Variants in PYM1 observed in about 807,000 individuals in gnomAD.
PYM1 encodes partner of Y14 and mago.
A neutral mutation model predicts 20.7 loss-of-function variants in PYM1; 7 were observed. The ratio of observed to expected loss-of-function variants is 0.34; its 90% CI spans 0.19 to 0.64. The LOEUF (loss-of-function observed/expected upper bound fraction) is 0.64, where lower values mean the gene tolerates loss of function less well. Ranked by LOEUF, PYM1 falls within the 30% of genes least tolerant of loss-of-function variation. The probability of loss-of-function intolerance (pLI) is 0.74; values close to 1 mark genes in which losing one functional copy is unlikely to be tolerated. For synonymous variants in PYM1, 100 were observed against 99.2 expected, an observed-to-expected ratio of 1.01 and a Z score of -0.05; for missense variants, 194 against 250.0, an observed-to-expected ratio of 0.78 and a Z score of 1.51.
At chr12:55,922,923 C>CAA (rs879488070) in intron 1 of PYM1, among the ~76,000 whole-genome samples, 1 of 151,134 alleles carries the variant, frequency 6.6e-6, no homozygotes, top group Non-Finnish European at 1.5e-5. Flanking sequence ...CCTGGAACAA[C>CAA]AAAAAAAAAT....
chr12:55,905,840 GATATATATATTATATATTAGATAT>G (rs1565714365), intron 1 of PYM1, among the ~76,000 whole-genome samples: 1 of 110,158 alleles, frequency 9.1e-6, no homozygotes, highest in Non-Finnish European at 1.8e-5. Context: ...ATATATATTA[GATATATATATTATATATTAGATAT>G]ATATATATCT....
At position 55,927,637 on chromosome 12, in the gene PYM1, G is replaced by A. The variant is rs779628775; in HGVS notation, c.37+88C>T. 3.0e-5 allele frequency: 45 copies of A among 1,494,498 alleles called. No individual in the cohort carries two copies. In the South Asian group the frequency reaches 4.9e-4, roughly 16 times the overall value. 92.6% of individuals were successfully genotyped at this position (1,494,498 alleles called of 1,614,324 possible). A position where few individuals can be genotyped will look rare whatever the true frequency, so the allele number is the denominator to read the frequency against. On this transcript the variant is annotated intron_variant, in intron 1 of 2. Coordinates refer to ENST00000408946, the MANE Select transcript of PYM1 (RefSeq NM_032345.3). ...CTAAGAAGGTGGGGAGGTCGAATTC[G>A]TGTGCCGATTGCTGTCGGCCAACCC...
At chr12:55,904,647 CAACTT>C (rs1204633063) in intron 1 of PYM1, among the ~76,000 whole-genome samples, 2 of 137,082 alleles carry the variant, frequency 1.5e-5, no homozygotes, top group Non-Finnish European at 3.2e-5. Flanking sequence ...AAGCTGAAAG[CAACTT>C]AAAAGGCCAT....
chr12:55,912,332 A>AC (rs1882938110), intron 1 of PYM1, among the ~76,000 whole-genome samples: 1 of 152,190 alleles, frequency 6.6e-6, no homozygotes, highest in Non-Finnish European at 1.5e-5. Context: ...AGCCTGGGTG[A>AC]TAGAGCGAGA....
chr12:55,914,300 T>C (rs924076621), intron 1 of PYM1: 1 of 702,314 alleles, frequency 1.4e-6, no homozygotes, highest in Non-Finnish European at 2.6e-6. Flanking sequence ...CTTGGTTCCA[T>C]CCTCTGGCCT....
chr12:55,925,995 T>C (rs762142836), intron 1 of PYM1, among the ~76,000 whole-genome samples: 5 of 152,044 alleles, frequency 3.3e-5, no homozygotes, highest in Non-Finnish European at 5.9e-5. Flanking sequence ...TCAGATACCA[T>C]AAAATAGGTG....
chr12:55,915,931 T>C (rs914873152), intron 1 of PYM1, among the ~76,000 whole-genome samples: 3 of 152,238 alleles, frequency 2.0e-5, no homozygotes, highest in Admixed American at 6.5e-5. Context: ...GAGTATTTAT[T>C]AATAAGTAGC....
At chr12:55,902,515 T>C (rs182334164) in intron 2 of PYM1, among the ~76,000 whole-genome samples, 160 bp from the exon 3 acceptor site, 91 of 152,338 alleles carry the variant, frequency 6.0e-4, no homozygotes, top group Non-Finnish European at 8.8e-5. Context: ...TCTCGCTCAG[T>C]TGCCCAGGCT....
At chr12:55,924,229 C>T (rs184195179) in intron 1 of PYM1, among the ~76,000 whole-genome samples, 2 of 151,994 alleles carry the variant, frequency 1.3e-5, no homozygotes, top group African/African-American at 4.8e-5. Flanking sequence ...AAGATATTCA[C>T]GAAACAATTA....
At chr12:55,916,558 G>A (rs548798636) in intron 1 of PYM1, among the ~76,000 whole-genome samples, 2 of 152,182 alleles carry the variant, frequency 1.3e-5, no homozygotes, top group Admixed American at 6.6e-5. Context: ...AGTACTTTGG[G>A]AGGCAGAGGC....
intron 1 of PYM1, among the ~76,000 whole-genome samples, chr12:55,912,201 A>G (rs998340082): frequency 5.3e-5 from 8 of 151,662 alleles, no homozygotes; most frequent in Non-Finnish European, 1.0e-4. Flanking sequence ...TAAAAAAAAA[A>G]ATTAGCTGGG....
At chr12:55,905,931 CTAATAGATATATA>C (rs1882802757) in intron 1 of PYM1, among the ~76,000 whole-genome samples, 1 of 103,354 alleles carries the variant, frequency 9.7e-6, no homozygotes, top group African/African-American at 4.3e-5. Context: ...TTATATATAT[CTAATAGATATATA>C]TATTATTATA....
At chr12:55,906,018 A>G (rs575577613) in intron 1 of PYM1, among the ~76,000 whole-genome samples, 3 of 143,548 alleles carry the variant, frequency 2.1e-5, no homozygotes, top group South Asian at 2.1e-4. Flanking sequence ...CCAAAATTCT[A>G]ATTTTCACCT....
chr12:55,905,418 T>C (rs1020170381), intron 1 of PYM1, among the ~76,000 whole-genome samples: 2 of 151,626 alleles, frequency 1.3e-5, no homozygotes, highest in African/African-American at 2.4e-5. Flanking sequence ...TCCAAAATTC[T>C]TGGCAGGGCA....
chr12:55,914,328 G>A (rs1274064380), intron 1 of PYM1: 2 of 702,284 alleles, frequency 2.8e-6, no homozygotes, highest in Admixed American at 2.0e-5. Flanking sequence ...ATCCAAGGGT[G>A]AAGTCAAAAA....
intron 1 of PYM1, among the ~76,000 whole-genome samples, chr12:55,918,955 T>G (rs773367678): frequency 6.6e-6 from 1 of 152,238 alleles, no homozygotes; most frequent in Non-Finnish European, 1.5e-5. Flanking sequence ...CCATAAGATA[T>G]TAAACAGGGG....
intron 1 of PYM1, among the ~76,000 whole-genome samples, chr12:55,922,362 A>G (rs1883111899): frequency 6.9e-6 from 1 of 144,928 alleles, no homozygotes; most frequent in South Asian, 2.2e-4. Flanking sequence ...GTAATCCCAG[A>G]ATTTTGGTAG....
intron 1 of PYM1, among the ~76,000 whole-genome samples, chr12:55,911,794 C>A (rs1440649821): frequency 6.6e-6 from 1 of 151,330 alleles, no homozygotes; most frequent in African/African-American, 2.4e-5. Flanking sequence ...TGAGCCGAGA[C>A]TGCGCCACTG....
rs1003007012 is a variant in PYM1 at position 55,903,490 on chromosome 12, G to C, written c.38-10C>G. Reference sequence around the variant, plus strand: ...GACGCGATATACTTGCCTAAAATAAGAAAAATCAAGTTGAAAATTACTCTT... The same window carrying C: ...GACGCGATATACTTGCCTAAAATAACAAAAATCAAGTTGAAAATTACTCTT... On this transcript the variant is annotated splice_polypyrimidine_tract_variant and intron_variant, in intron 1 of 2. Transcript: ENST00000408946. 2 of 1,611,878 alleles carry C rather than the reference G, an allele frequency of 1.2e-6. No homozygotes were observed. The highest frequency in any genetic ancestry group is 3.4e-5 in the Admixed American group (2 of 59,426).
Sources: gnomAD v4.1 joint callset for allele counts (sites outside exome capture counted in the v4.1 genomes callset) on GRCh38, gnomAD v4.1.1 for gene constraint, MANE v1.5 for transcripts, NCBI Gene and HGNC (gene_info 2026-07-23, HGNC 2026-07-21) for gene names.